CWC27: variants seen among roughly 807,000 people sequenced by gnomAD.
The protein encoded by CWC27 is spliceosome-associated protein CWC27 homolog.
A neutral mutation model predicts 63.6 loss-of-function variants in CWC27; 47 were observed. The ratio of observed to expected loss-of-function variants is 0.74; its 90% CI spans 0.58 to 0.94. The LOEUF (loss-of-function observed/expected upper bound fraction) is 0.94, where lower values mean the gene tolerates loss of function less well. Ranked by LOEUF, CWC27 falls within the 40% of genes least tolerant of loss-of-function variation. The pLI is 0.00. For missense variants in CWC27, 495 were observed against 554.3 expected (o/e 0.89, Z 1.07); for synonymous variants, 175 against 179.8 (o/e 0.97, Z 0.22).
At chr5:64,842,950 A>G (rs1177032170) in intron 10 of CWC27, among the ~76,000 whole-genome samples, 2 of 152,124 alleles carry the variant, frequency 1.3e-5, no homozygotes, top group African/African-American at 4.8e-5. Flanking sequence ...AATAAACCCT[A>G]AATCTCAGTC....
At chr5:65,003,772 T>A (rs1749775412) in intron 13 of CWC27, among the ~76,000 whole-genome samples, 1 of 152,140 alleles carries the variant, frequency 6.6e-6, no homozygotes, top group Non-Finnish European at 1.5e-5. Context: ...CTGCTGATAG[T>A]CTGATATGTA....
intron 11 of CWC27, among the ~76,000 whole-genome samples, chr5:64,948,291 G>C (rs561743494): frequency 8.0e-4 from 121 of 151,888 alleles, no homozygotes; most frequent in African/African-American, 2.1e-3. Context: ...ATGTAATAAT[G>C]GTTTTAAATA....
chr5:64,786,965 A>G (rs1489059311), intron 6 of CWC27, among the ~76,000 whole-genome samples: 5 of 152,198 alleles, frequency 3.3e-5, no homozygotes, highest in East Asian at 1.9e-4. Context: ...GGAAGCTTCA[A>G]TCGTGGAGGA....
chr5:64,815,383 T>C (rs76032895), intron 10 of CWC27, among the ~76,000 whole-genome samples: 2,543 of 152,270 alleles, frequency 0.017, 68 homozygotes, highest in African/African-American at 0.059. Flanking sequence ...AAAAGAGTGA[T>C]GAAGGAATGA....
chr5:64,927,638 T>C (rs1274991060), intron 11 of CWC27, among the ~76,000 whole-genome samples: 1 of 152,154 alleles, frequency 6.6e-6, no homozygotes, highest in Non-Finnish European at 1.5e-5. Context: ...AAAGTCTGTC[T>C]GTATCCTCTT....
At chr5:64,772,100 C>T (rs1265924494) in intron 1 of CWC27, among the ~76,000 whole-genome samples, 1 of 152,040 alleles carries the variant, frequency 6.6e-6, no homozygotes, top group African/African-American at 2.4e-5. Flanking sequence ...AGATAGTGTG[C>T]GCAAGGTAAC....
chr5:64,776,917 A>G (rs1411226294), intron 2 of CWC27, among the ~76,000 whole-genome samples: 1 of 152,134 alleles, frequency 6.6e-6, no homozygotes, highest in Non-Finnish European at 1.5e-5. Flanking sequence ...AAGGATCTAC[A>G]TTATACAGAC....
At chr5:64,804,505 C>T (rs912211059) in intron 10 of CWC27, 119 bp downstream of exon 10, 4 of 1,094,334 alleles carry the variant, frequency 3.7e-6, no homozygotes, top group Non-Finnish European at 2.5e-6. Flanking sequence ...GTTTGATAAA[C>T]ATAACAGTTG....
At chr5:64,919,239 A>G (rs748883550) in intron 11 of CWC27, among the ~76,000 whole-genome samples, 1 of 152,238 alleles carries the variant, frequency 6.6e-6, no homozygotes, top group Non-Finnish European at 1.5e-5. Flanking sequence ...GGCCCAGTAA[A>G]TTTGTCACCA....
chr5:64,781,611 A>G (rs902121789), intron 2 of CWC27, among the ~76,000 whole-genome samples: 17 of 152,132 alleles, frequency 1.1e-4, no homozygotes, highest in African/African-American at 4.1e-4. Context: ...GAAATTGACA[A>G]ATGTCCCCTG....
Position 65,003,978 on chromosome 5 carries a change from G to A in CWC27, c.1257-14181G>A, listed in dbSNP as rs57622986. ...TCGTACTTCAGCCTCCCAAGTAGCTGGGGTTACAGGCACCCACCACCACAC... is the reference window on the plus strand; with the variant it reads ...TCGTACTTCAGCCTCCCAAGTAGCTAGGGTTACAGGCACCCACCACCACAC... On this transcript the variant is annotated intron_variant, in intron 13 of 13. Transcript: ENST00000381070. Among the ~76,000 whole-genome samples, 1,476 of 152,034 alleles carry A rather than the reference G, an allele frequency of 9.7e-3. 31 individuals carry two copies. The highest frequency in any genetic ancestry group is 0.034 in the African/African-American group (1,398 of 41,438).
intron 13 of CWC27, among the ~76,000 whole-genome samples, chr5:64,993,849 C>G (rs1749584704): frequency 6.6e-6 from 1 of 152,082 alleles, no homozygotes; most frequent in Non-Finnish European, 1.5e-5. Context: ...AAGACAGTTG[C>G]CCTTATACAC....
rs1580726229 is a variant in CWC27 at position 64,918,732 on chromosome 5, T to G, written c.1042+33186T>G. 2.0e-5 allele frequency among the ~76,000 whole-genome samples: 3 copies of G among 152,186 alleles called. No individual in the cohort carries two copies. The East Asian group carries it at 5.8e-4, about 29-fold the overall frequency. On this transcript the variant is annotated intron_variant, in intron 11 of 13. Coordinates refer to ENST00000381070, the MANE Select transcript of CWC27 (RefSeq NM_005869.4). ...ATGTAATGCAATCTTAGCTTGGATC[T>G]TCTCTGCTCTTTTTTCTTCATTTTT...
intron 10 of CWC27, among the ~76,000 whole-genome samples, chr5:64,855,815 C>T (rs749738825): frequency 1.4e-4 from 22 of 152,044 alleles, no homozygotes; most frequent in Non-Finnish European, 2.1e-4. Context: ...ACTACCAGAT[C>T]AAATACATGG....
rs1006862893 is a variant in CWC27, at chr5:64,987,285, C to A, written c.1256+10047C>A. Among the ~76,000 whole-genome samples, 3 of 151,996 alleles carry A rather than the reference C, an allele frequency of 2.0e-5. No homozygotes were observed. In the South Asian group the frequency reaches 6.2e-4, roughly 31 times the overall value. On this transcript the variant is annotated intron_variant, in intron 13 of 13. Coordinates refer to ENST00000381070, the MANE Select transcript of CWC27 (RefSeq NM_005869.4). ...TAGGAATTACAATATACTTTTTAAACTTTTCATAGTTTATTTAGAGTTAAT... is the reference window on the plus strand; with the variant it reads ...TAGGAATTACAATATACTTTTTAAAATTTTCATAGTTTATTTAGAGTTAAT...
At chr5:64,813,303 T>G (rs923089296) in intron 10 of CWC27, among the ~76,000 whole-genome samples, 1 of 152,172 alleles carries the variant, frequency 6.6e-6, no homozygotes, top group Non-Finnish European at 1.5e-5. Flanking sequence ...TTGGGCCACT[T>G]GAAATAAAAA....
chr5:64,786,571 G>C lies in CWC27; in HGVS notation c.543G>C (p.Arg181Ser). Residue 181 changes from arginine (R) to serine (S), a missense_variant, in exon 6 of 14, where the codon AGG becomes AGC. Physicochemically the swap from Arg to Ser is moderately radical, Grantham distance 110. Coordinates refer to ENST00000381070, the MANE Select transcript of CWC27 (RefSeq NM_005869.4). ...FDDIIPREIKRLKKEKPEEEV... is the reference protein window; with the variant it reads ...FDDIIPREIKSLKKEKPEEEV... Reference sequence around the variant, plus strand: ...ACATCATTCCAAGGGAAATTAAAAGGCTGAAAAAAGAGAAACCAGAGGAGG... The same window carrying C: ...ACATCATTCCAAGGGAAATTAAAAGCCTGAAAAAAGAGAAACCAGAGGAGG... The C allele has an allele frequency of 6.3e-7, 1 of 1,593,124 alleles. No individual in the cohort carries two copies. Among genetic ancestry groups the C allele is most frequent in the Non-Finnish European group, 8.5e-7 (1 of 1,171,312 alleles).
chr5:64,989,332 A>C (rs1049902088), intron 13 of CWC27, among the ~76,000 whole-genome samples: 2 of 152,352 alleles, frequency 1.3e-5, no homozygotes, highest in South Asian at 4.1e-4. Context: ...TGTCTCATGT[A>C]GTAGGCTATC....
chr5:64,923,781 T>G (rs1349618825), intron 11 of CWC27, among the ~76,000 whole-genome samples: 1 of 151,680 alleles, frequency 6.6e-6, no homozygotes, highest in Non-Finnish European at 1.5e-5. Flanking sequence ...GCTAACATTT[T>G]CAGCTCTCTT....
Sources: gnomAD v4.1 joint callset for allele counts (sites outside exome capture counted in the v4.1 genomes callset) on GRCh38, gnomAD v4.1.1 for gene constraint, MANE v1.5 for transcripts, NCBI Gene and HGNC (gene_info 2026-07-23, HGNC 2026-07-21) for gene names.